The following PAK1 variants were observed in gnomAD, a reference collection of about 807,000 sequenced individuals.
The protein encoded by PAK1 is serine/threonine-protein kinase PAK 1.
In PAK1, 29 loss-of-function variants were observed where a neutral mutation model predicts 67.4. That is an observed-to-expected ratio of 0.43 (90% confidence interval 0.32 to 0.59). PAK1 has a LOEUF of 0.59. PAK1 is among the 20% of genes least tolerant of loss of function. The pLI is 0.07. For missense variants in PAK1, 337 were observed against 670.7 expected (o/e 0.50, Z 5.50); for synonymous variants, 223 against 237.4 (o/e 0.94, Z 0.56).
intron 13 of PAK1, 80 bp downstream of exon 13, chr11:77,336,006 C>T: frequency 1.1e-6 from 1 of 897,248 alleles, no homozygotes; most frequent in Admixed American, 2.3e-5. Flanking sequence ...TTGAAAACCA[C>T]AGAGAACACC....
intron 13 of PAK1, among the ~76,000 whole-genome samples, chr11:77,333,643 A>G (rs2136137109): frequency 6.6e-6 from 1 of 152,322 alleles, no homozygotes; most frequent in South Asian, 2.1e-4. Flanking sequence ...CAGGAAAGGA[A>G]TATTAAATGT....
intron 1 of PAK1, among the ~76,000 whole-genome samples, chr11:77,435,305 T>A (rs1318903406): frequency 6.6e-6 from 1 of 152,116 alleles, no homozygotes; most frequent in Non-Finnish European, 1.5e-5. Flanking sequence ...AAAGGGTCAG[T>A]CAAGTTGAGG....
chr11:77,362,951 T>A (rs896219590), intron 5 of PAK1, among the ~76,000 whole-genome samples: 1 of 152,196 alleles, frequency 6.6e-6, no homozygotes, highest in African/African-American at 2.4e-5. Flanking sequence ...AATTAGTGGG[T>A]CTGATGGTTT....
chr11:77,474,272 G>A (rs1249094466), upstream of PAK1: 1 of 151,996 alleles, frequency 6.6e-6, no homozygotes, highest in African/African-American at 2.4e-5. Flanking sequence ...TCCCGCAGGT[G>A]AGAGGGGGCG....
At chr11:77,396,988 C>A (rs893941199) in intron 1 of PAK1, 1 of 152,184 alleles carries the variant, frequency 6.6e-6, no homozygotes, top group Non-Finnish European at 1.5e-5. Flanking sequence ...TCCAAAACAA[C>A]AAACATGCTC....
intron 1 of PAK1, among the ~76,000 whole-genome samples, chr11:77,438,337 C>G (rs1956216939): frequency 6.6e-6 from 1 of 152,070 alleles, no homozygotes; most frequent in Non-Finnish European, 1.5e-5. Context: ...CATGAGAAAT[C>G]CATTCCCATG....
intron 1 of PAK1, among the ~76,000 whole-genome samples, chr11:77,397,490 A>G (rs1413577603): frequency 6.6e-6 from 1 of 152,180 alleles, no homozygotes; most frequent in African/African-American, 2.4e-5. Context: ...TAGACTTAAT[A>G]CTGGTCAAGA....
rs371300419 is a variant in PAK1, at chr11:77,410,942, G to C, written c.-21-18401C>G. Among the ~76,000 whole-genome samples, 4 of 152,270 alleles carry C rather than the reference G, an allele frequency of 2.6e-5. No individual in the cohort carries two copies. The East Asian group carries it at 5.8e-4, about 22-fold the overall frequency. ...AATAAGGAAGGGGCTCCAGAGAAGA[G>C]AGTCTAGTTTAACGCAACTTTATAC... On this transcript the variant is annotated intron_variant, in intron 1 of 14. Coordinates refer to ENST00000356341, the MANE Select transcript of PAK1 (RefSeq NM_002576.5).
chr11:77,380,089 G>A, intron 2 of PAK1, 95 bp from the exon 3 acceptor site: 1 of 805,012 alleles, frequency 1.2e-6, no homozygotes, highest in South Asian at 1.7e-5. Context: ...CTCCTTGAGA[G>A]GGCAAAGTCT....
intron 1 of PAK1, among the ~76,000 whole-genome samples, chr11:77,398,709 T>G (rs553687826): frequency 6.6e-6 from 1 of 152,334 alleles, no homozygotes; most frequent in South Asian, 2.1e-4. Flanking sequence ...GCTGTGGGAT[T>G]GCTGGATCAT....
At chr11:77,477,527 T>G (rs1361152987), upstream of PAK1, among the ~76,000 whole-genome samples, 2 of 102,700 alleles carry the variant, frequency 1.9e-5, no homozygotes, top group African/African-American at 8.3e-5. Context: ...GCCCAGTAGT[T>G]TGAGACCAGG....
At chr11:77,368,209 A>C (rs1182826611) in intron 5 of PAK1, among the ~76,000 whole-genome samples, 1 of 152,234 alleles carries the variant, frequency 6.6e-6, no homozygotes, top group Non-Finnish European at 1.5e-5. Flanking sequence ...AGACGACCCT[A>C]CAAGCTTTCT....
the PAK1 span, among the ~76,000 whole-genome samples, chr11:77,523,420 C>CA: frequency 1.4e-5 from 2 of 140,326 alleles, no homozygotes; most frequent in Non-Finnish European, 3.1e-5. Flanking sequence ...ATGCTTTCTA[C>CA]TTTTTTTTTT....
At chr11:77,447,682 G>A (rs776424274) in intron 1 of PAK1, among the ~76,000 whole-genome samples, 2 of 151,772 alleles carry the variant, frequency 1.3e-5, no homozygotes, top group Non-Finnish European at 2.9e-5. Context: ...CCACCACCAC[G>A]CCCAGCTAAT....
chr11:77,341,364 G>A (rs1437358379), intron 10 of PAK1, among the ~76,000 whole-genome samples: 1 of 152,188 alleles, frequency 6.6e-6, no homozygotes, highest in Non-Finnish European at 1.5e-5. Context: ...AAGCTGCAAA[G>A]TGTTGTATAC....
intron 1 of PAK1, among the ~76,000 whole-genome samples, chr11:77,426,640 T>G (rs1955560783): frequency 1.3e-5 from 2 of 152,086 alleles, no homozygotes; most frequent in Non-Finnish European, 2.9e-5. Context: ...GATGGAATAG[T>G]GCTAATCTTA....
chr11:77,416,154 T>C (rs1218385032), intron 1 of PAK1, among the ~76,000 whole-genome samples: 2 of 152,096 alleles, frequency 1.3e-5, no homozygotes, highest in African/African-American at 4.8e-5. Flanking sequence ...AATTTTCGTA[T>C]TTTCAGTAGA....
intron 5 of PAK1, among the ~76,000 whole-genome samples, chr11:77,368,117 C>T (rs973587245): frequency 2.0e-5 from 3 of 151,952 alleles, no homozygotes; most frequent in Non-Finnish European, 2.9e-5. Flanking sequence ...GTTTCCAGGC[C>T]GAAAGAGTTC....
At chr11:77,471,613 A>T (rs752015728) in intron 1 of PAK1, among the ~76,000 whole-genome samples, 5 of 152,230 alleles carry the variant, frequency 3.3e-5, no homozygotes, top group Non-Finnish European at 7.3e-5. Flanking sequence ...TGAGAGTGGC[A>T]GGGGAGCCAC....
Sources: allele counts gnomAD v4.1 joint callset (sites outside exome capture counted in the v4.1 genomes callset), GRCh38; gene constraint gnomAD v4.1.1; transcripts MANE v1.5; gene names NCBI Gene and HGNC (gene_info 2026-07-23, HGNC 2026-07-21).